Variants in AMN1 observed in about 807,000 individuals in gnomAD.
The protein encoded by AMN1 is antagonist of mitotic exit network 1 homolog, also known as protein AMN1 homolog.
In AMN1, 20 loss-of-function variants were observed where a neutral mutation model predicts 33.0. The observed-to-expected ratio is 0.61, with a 90% confidence interval of 0.43 to 0.88. The LOEUF is 0.88. AMN1 is among the 40% of genes least tolerant of loss of function. AMN1 has a pLI of 0.00. For synonymous variants in AMN1, 114 were observed against 111.9 expected (o/e 1.02, Z -0.12); for missense variants, 246 against 307.4 (o/e 0.80, Z 1.49).
chr12:31,671,601 A>G lies in AMN1; in HGVS notation c.*703T>C, dbSNP rs1189625475. The G allele has an allele frequency of 6.6e-6, 1 of 152,192 alleles. No homozygotes were observed. The highest frequency in any genetic ancestry group is 1.5e-5 in the Non-Finnish European group (1 of 68,030). The allele number at this position is 152,192 out of a possible 1,614,324, so 9.4% of individuals were successfully genotyped here. A position where few individuals can be genotyped will look rare whatever the true frequency, so the allele number is the denominator to read the frequency against. On this transcript the variant is annotated 3_prime_UTR_variant, in exon 7 of 7. Coordinates refer to ENST00000281471, the MANE Select transcript of AMN1 (RefSeq NM_001113402.2). Reference sequence around the variant, plus strand: ...GTCTCTGTAGTGATATTCTGTATTTACTCATTTTTACACATTTTTGAATGC... The same window carrying G: ...GTCTCTGTAGTGATATTCTGTATTTGCTCATTTTTACACATTTTTGAATGC...
In AMN1 at chr12:31,687,348, G is replaced by A. The variant is rs1938308875; in HGVS notation, c.703+1659C>T. ...TCAAAGGGACTTCCTAAAAATAAAA[G>A]AGAAGTTGTCAAAGGGACTTCCAGG... On this transcript the variant is annotated intron_variant, in intron 6 of 6. Transcript: ENST00000281471. This position sits in a 1 kb window ranked among gnomAD's most constrained non-coding sequence, Gnocchi z 4.1. 1.3e-5 allele frequency among the ~76,000 whole-genome samples: 2 copies of A among 152,172 alleles called. No homozygotes were observed. The highest frequency in any genetic ancestry group is 4.1e-4 in the South Asian group (2 of 4,832).
intron 2 of AMN1, among the ~76,000 whole-genome samples, chr12:31,704,253 A>G (rs761783191): frequency 6.6e-6 from 1 of 152,166 alleles, no homozygotes; most frequent in African/African-American, 2.4e-5. Flanking sequence ...GGATTTTTTT[A>G]AAGTCTCTGC....
Position 31,688,997 on chromosome 12 carries a change from T to G in AMN1, c.703+10A>C. The G allele has an allele frequency of 1.3e-6, 2 of 1,577,814 alleles. No individual in the cohort carries two copies. The highest frequency in any genetic ancestry group is 1.7e-6 in the Non-Finnish European group (2 of 1,149,398). Reference sequence around the variant, plus strand: ...CCAGAATTTGAACCCAAGCAATCTATTGCACTAACCTGTTATCAAGGGGCA... The same window carrying G: ...CCAGAATTTGAACCCAAGCAATCTAGTGCACTAACCTGTTATCAAGGGGCA... On this transcript the variant is annotated intron_variant, in intron 6 of 6. Coordinates refer to ENST00000281471, the MANE Select transcript of AMN1 (RefSeq NM_001113402.2).
chr12:31,692,924 C>T (rs1048129256), intron 5 of AMN1, among the ~76,000 whole-genome samples: 3 of 152,096 alleles, frequency 2.0e-5, no homozygotes, highest in African/African-American at 7.2e-5. Flanking sequence ...GGTACTACCA[C>T]ATATCTAGAA....
intron 5 of AMN1, among the ~76,000 whole-genome samples, chr12:31,694,442 C>A (rs1418046629): frequency 2.8e-3 from 321 of 116,534 alleles, no homozygotes; most frequent in South Asian, 3.1e-3. Context: ...AACTCTGTCT[C>A]AAAAAAAAAA....
chr12:31,679,340 A>C (rs928028505), intron 6 of AMN1, among the ~76,000 whole-genome samples: 20 of 152,042 alleles, frequency 1.3e-4, no homozygotes, highest in Non-Finnish European at 2.9e-5. Flanking sequence ...CAGCCTGGTC[A>C]ACATGGTGAA....
intron 1 of AMN1, among the ~76,000 whole-genome samples, chr12:31,710,611 G>A (rs1939429724): frequency 6.6e-6 from 1 of 151,440 alleles, no homozygotes; most frequent in Non-Finnish European, 1.5e-5. Flanking sequence ...TGGGGGAGGG[G>A]TCATTGTTTC....
intron 1 of AMN1, among the ~76,000 whole-genome samples, chr12:31,722,606 C>G (rs181698628): frequency 2.0e-5 from 3 of 152,258 alleles, no homozygotes; most frequent in Admixed American, 2.0e-4. Context: ...GGAGGGTTTG[C>G]TAGACTTAGT....
At chr12:31,679,530 C>CA (rs200637807) in intron 6 of AMN1, among the ~76,000 whole-genome samples, 2,356 of 151,590 alleles carry the variant, frequency 0.016, 35 homozygotes, top group Middle Eastern at 0.034. Context: ...GACTCCATTT[C>CA]AAAAAAAAGA....
intron 3 of AMN1, among the ~76,000 whole-genome samples, chr12:31,701,107 C>A (rs1938978383): frequency 6.6e-6 from 1 of 152,124 alleles, no homozygotes; most frequent in Non-Finnish European, 1.5e-5. Context: ...TCAAGCGATT[C>A]TCCTACCTCA....
chr12:31,681,541 A>G (rs1360042463), intron 6 of AMN1, among the ~76,000 whole-genome samples: 1 of 151,534 alleles, frequency 6.6e-6, no homozygotes, highest in African/African-American at 2.4e-5. Context: ...TTGCATTATT[A>G]TTAATATTAG....
intron 1 of AMN1, among the ~76,000 whole-genome samples, chr12:31,726,582 TTA>T (rs1940081141): frequency 6.6e-6 from 1 of 152,202 alleles, no homozygotes; most frequent in Admixed American, 6.5e-5. Context: ...GATAAGGAGT[TTA>T]TGCAAGAACA....
At chr12:31,693,278 C>T (rs1311746376) in intron 5 of AMN1, among the ~76,000 whole-genome samples, 1 of 152,016 alleles carries the variant, frequency 6.6e-6, no homozygotes, top group East Asian at 1.9e-4. Context: ...GCTCTTGTTG[C>T]CCAGGCTGGA....
chr12:31,727,939 G>T (rs1940145384), intron 1 of AMN1, among the ~76,000 whole-genome samples: 1 of 152,068 alleles, frequency 6.6e-6, no homozygotes, highest in Non-Finnish European at 1.5e-5. Context: ...TGCCGTGCTG[G>T]CTAGGCTGGT....
chr12:31,715,857 GC>G (rs1939653601), intron 1 of AMN1: 1 of 152,724 alleles, frequency 6.5e-6, no homozygotes, highest in African/African-American at 2.4e-5. Flanking sequence ...CTAGATCTGA[GC>G]CACCTGACCA....
At chr12:31,709,453 C>G (rs756222294) in intron 1 of AMN1, 28 bp from the exon 2 acceptor site, 1 of 1,588,960 alleles carries the variant, frequency 6.3e-7, no homozygotes, top group Non-Finnish European at 8.6e-7. Flanking sequence ...TATAGTAAAT[C>G]ACACTGGGCC....
At chr12:31,684,941 G>A (rs141288447) in intron 6 of AMN1, among the ~76,000 whole-genome samples, 99 of 151,736 alleles carry the variant, frequency 6.5e-4, no homozygotes, top group Middle Eastern at 3.4e-3. Context: ...AAACATACGG[G>A]GAATACAAAA....
chr12:31,696,994 G>A (rs1938757086), intron 5 of AMN1, among the ~76,000 whole-genome samples: 1 of 151,686 alleles, frequency 6.6e-6, no homozygotes, highest in South Asian at 2.1e-4. Context: ...AGGATGTCAA[G>A]AGAATTAATA....
At chr12:31,715,350 C>T (rs992998310) in intron 1 of AMN1, 1 of 217,760 alleles carries the variant, frequency 4.6e-6, no homozygotes, top group Non-Finnish European at 1.0e-5. Flanking sequence ...TAGTCAGCTT[C>T]AGCCTCATCA....
Sources: gnomAD v4.1 joint callset for allele counts (sites outside exome capture counted in the v4.1 genomes callset) on GRCh38, gnomAD v4.1.1 for gene constraint, Gnocchi (gnomAD v3.1) non-coding constraint, MANE v1.5 for transcripts, NCBI Gene and HGNC (gene_info 2026-07-23, HGNC 2026-07-21) for gene names.